The following RHBDD1 variants were observed in gnomAD, a reference collection of about 807,000 sequenced individuals.
The protein encoded by RHBDD1 is rhomboid-related protein 4.
Under a neutral mutation model 36.3 loss-of-function variants are expected in RHBDD1, and 38 were observed. The ratio of observed to expected loss-of-function variants is 1.05; its 90% confidence interval spans 0.81 to 1.37. The LOEUF is 1.37. Ranked by LOEUF, RHBDD1 falls within the 40% of genes most tolerant of loss-of-function variation. RHBDD1 has a pLI of 0.00. For synonymous variants in RHBDD1, 151 were observed against 136.5 expected (o/e 1.11, Z -0.74); for missense variants, 393 against 377.6 (o/e 1.04, Z -0.34).
intron 5 of RHBDD1, among the ~76,000 whole-genome samples, chr2:226,878,775 C>G (rs1945451200): frequency 6.6e-6 from 1 of 152,080 alleles, no homozygotes; most frequent in Admixed American, 6.5e-5. Context: ...TTCTTTGGTC[C>G]CACTAGATTT....
chr2:226,964,514 T>C (rs963034008), intron 8 of RHBDD1, among the ~76,000 whole-genome samples: 1 of 152,208 alleles, frequency 6.6e-6, no homozygotes, highest in African/African-American at 2.4e-5. Context: ...ATGACTTAAT[T>C]GTAGCTCTTC....
intron 2 of RHBDD1, among the ~76,000 whole-genome samples, chr2:226,839,083 A>G (rs1353373444): frequency 6.6e-6 from 1 of 152,192 alleles, no homozygotes; most frequent in Non-Finnish European, 1.5e-5. Flanking sequence ...CAAAGTGAAA[A>G]GTTTTACATT....
chr2:226,918,936 G>A (rs1370599619), intron 8 of RHBDD1, among the ~76,000 whole-genome samples: 1 of 152,050 alleles, frequency 6.6e-6, no homozygotes, highest in Non-Finnish European at 1.5e-5. Flanking sequence ...CACCAAAAGT[G>A]TACAAGGGTT....
intron 5 of RHBDD1, among the ~76,000 whole-genome samples, chr2:226,874,421 AAC>A (rs1320315950): frequency 6.6e-6 from 1 of 152,164 alleles, no homozygotes; most frequent in African/African-American, 2.4e-5. Context: ...GGCTTACAAT[AAC>A]ACAAATTCCT....
intron 8 of RHBDD1, among the ~76,000 whole-genome samples, chr2:226,957,872 T>C (rs973058654): frequency 2.6e-5 from 4 of 151,900 alleles, no homozygotes; most frequent in South Asian, 2.1e-4. Context: ...AGGATGGCTA[T>C]AGTAATTATT....
rs1957434559 is a variant in RHBDD1 at position 226,988,264 on chromosome 2, T to A, written c.857-7167T>A. 2.8e-6 allele frequency: 4 copies of A among 1,452,588 alleles called. No homozygotes were observed. The Admixed American group carries it at 9.1e-5, about 33-fold the overall frequency. 90.0% of individuals were successfully genotyped at this position (1,452,588 alleles called of 1,614,324 possible). ...GGGAGTAGGACTCATATCAGGGCCC[T>A]GAGGAGGCCACTGTAAGTCTCTTCC... On this transcript the variant is annotated intron_variant, in intron 8 of 8. Transcript: ENST00000392062.
chr2:226,976,210 G>A (rs1372529379), intron 8 of RHBDD1, among the ~76,000 whole-genome samples: 2 of 149,198 alleles, frequency 1.3e-5, no homozygotes, highest in East Asian at 2.0e-4. Context: ...CAGTCCAGGT[G>A]TGGAGCTCTT....
Position 226,908,713 on chromosome 2 carries a change from T to C in RHBDD1, c.656-109T>C, listed in dbSNP as rs990496413. ...GTTTATTTTAATAAGTGTTTAGAAA[T>C]CATTTGAAATGACCTTGGGCTTTGT... On this transcript the variant is annotated intron_variant, in intron 6 of 8. Transcript: ENST00000392062. 4 of 771,400 alleles carry C rather than the reference T, an allele frequency of 5.2e-6. No individual in the cohort carries two copies. In the African/African-American group the frequency reaches 7.0e-5, roughly 13 times the overall value. The allele number at this position is 771,400 out of a possible 1,614,324, so 47.8% of individuals were successfully genotyped here.
intron 8 of RHBDD1, among the ~76,000 whole-genome samples, chr2:226,990,592 G>T (rs1018331243): frequency 4.6e-5 from 7 of 152,108 alleles, no homozygotes; most frequent in Non-Finnish European, 7.4e-5. Flanking sequence ...TCAACTCATG[G>T]TGTTCCTTTT....
rs770339294 is a variant in RHBDD1 at position 226,942,457 on chromosome 2, T to G, written c.856+28106T>G. The G allele has an allele frequency of 6.5e-4, 176 of 271,794 alleles. 3 individuals are homozygous for G. Among genetic ancestry groups the G allele is most frequent in the South Asian group, 3.7e-4 (12 of 32,360 alleles). The allele number at this position is 271,794 out of a possible 1,614,324, so 16.8% of individuals were successfully genotyped here. ...GGTTTCACCGTGTTAACTAGGATGG[T>G]CTTGATCTCCTGACCTCATGATCCA... On this transcript the variant is annotated intron_variant, in intron 8 of 8. Coordinates refer to ENST00000392062, the MANE Select transcript of RHBDD1 (RefSeq NM_001167608.3).
intron 5 of RHBDD1, among the ~76,000 whole-genome samples, chr2:226,897,707 C>T (rs1022351521): frequency 2.6e-5 from 4 of 152,146 alleles, no homozygotes; most frequent in African/African-American, 9.7e-5. Flanking sequence ...TGTGGTGGCT[C>T]ATGCCTTTAA....
At chr2:226,914,706 A>G (rs969074708) in intron 8 of RHBDD1, 1 of 158,230 alleles carries the variant, frequency 6.3e-6, no homozygotes, top group Non-Finnish European at 1.4e-5. Flanking sequence ...AGTGTCACTA[A>G]GTATCAAAAT....
intron 8 of RHBDD1, among the ~76,000 whole-genome samples, chr2:226,960,634 A>G (rs912440649): frequency 1.3e-5 from 2 of 152,240 alleles, no homozygotes; most frequent in Admixed American, 1.3e-4. Context: ...GGGGTTATCA[A>G]CTTATTTTAT....
intron 8 of RHBDD1, among the ~76,000 whole-genome samples, chr2:226,927,333 A>AG (rs1949729050): frequency 8.7e-6 from 1 of 115,436 alleles, no homozygotes. Flanking sequence ...ATATACCAGA[A>AG]GTTTTTTTTT....
chr2:226,867,658 C>T, intron 5 of RHBDD1: 2 of 983,968 alleles, frequency 2.0e-6, no homozygotes, highest in African/African-American at 3.5e-5. Flanking sequence ...ACATAGAAAC[C>T]ACGTAACTAT....
intron 8 of RHBDD1, among the ~76,000 whole-genome samples, chr2:226,932,421 G>A (rs988928020): frequency 2.0e-5 from 3 of 152,080 alleles, no homozygotes; most frequent in African/African-American, 7.2e-5. Flanking sequence ...TGAATTACCT[G>A]TGATAATTAT....
At chr2:226,936,268 A>G (rs79182146) in intron 8 of RHBDD1, among the ~76,000 whole-genome samples, 5 of 152,154 alleles carry the variant, frequency 3.3e-5, no homozygotes, top group African/African-American at 4.8e-5. Flanking sequence ...TTGTGCTTAT[A>G]TCTAGATTGT....
At chr2:226,965,269 AG>A (rs747904818) in intron 8 of RHBDD1, among the ~76,000 whole-genome samples, 7 of 152,326 alleles carry the variant, frequency 4.6e-5, no homozygotes, top group Non-Finnish European at 8.8e-5. Flanking sequence ...GCTGGGCTAG[AG>A]GCATGGAATG....
At chr2:226,848,333 CAT>C (rs541646351) in intron 3 of RHBDD1, among the ~76,000 whole-genome samples, 254 of 152,258 alleles carry the variant, frequency 1.7e-3, no homozygotes, top group African/African-American at 6.0e-3. Context: ...AATATCTTAA[CAT>C]GTGTAATGGA....
Sources: allele counts gnomAD v4.1 joint callset (sites outside exome capture counted in the v4.1 genomes callset), GRCh38; gene constraint gnomAD v4.1.1; transcripts MANE v1.5; gene names NCBI Gene and HGNC (gene_info 2026-07-23, HGNC 2026-07-21).